Variants in KCNN2 observed in about 807,000 individuals in gnomAD.
The protein encoded by KCNN2 is small conductance calcium-activated potassium channel protein 2.
A neutral mutation model predicts 55.5 loss-of-function variants in KCNN2; 24 were observed. The observed-to-expected ratio is 0.43, with a 90% confidence interval of 0.31 to 0.61. KCNN2 has a LOEUF of 0.61. KCNN2 is among the 20% of genes least tolerant of loss of function. KCNN2 has a pLI of 0.08. For missense variants in KCNN2, 754 were observed against 853.6 expected (o/e 0.88, Z 1.45); for synonymous variants, 431 against 336.1 (o/e 1.28, Z -3.09).
rs114923975 is a variant in KCNN2 at position 114,278,974 on chromosome 5, C to T, written c.-185+57409C>T. Among the ~76,000 whole-genome samples, 850 of 151,992 alleles carry T rather than the reference C, an allele frequency of 5.6e-3. 8 individuals are homozygous for T. The highest frequency in any genetic ancestry group is 9.0e-3 in the Non-Finnish European group (610 of 67,994). ...ATCAATCTCCCTGGGAGCTGCAGAT[C>T]GGAGCTGTTCCTGTTTGGCCTTCTT... On this transcript the variant is annotated intron_variant, in intron 2 of 10. Transcript: ENST00000512097.
chr5:114,335,427 C>T (rs1423413530), intron 2 of KCNN2, among the ~76,000 whole-genome samples: 1 of 152,146 alleles, frequency 6.6e-6, no homozygotes, highest in African/African-American at 2.4e-5. Context: ...GGGAAGCCTG[C>T]ATTTCTTGCA....
intron 3 of KCNN2, among the ~76,000 whole-genome samples, chr5:114,412,264 A>T (rs1359666315): frequency 6.6e-6 from 1 of 152,252 alleles, no homozygotes; most frequent in Non-Finnish European, 1.5e-5. Flanking sequence ...CCTGAGCACC[A>T]ATAAAACAAA....
At chr5:114,407,425 C>A (rs1431862148) in intron 3 of KCNN2, among the ~76,000 whole-genome samples, 1 of 151,900 alleles carries the variant, frequency 6.6e-6, no homozygotes, top group Non-Finnish European at 1.5e-5. Flanking sequence ...TCCCTGAATG[C>A]CTTTTTTTTA....
At chr5:114,219,457 C>T (rs537734907) in intron 1 of KCNN2, among the ~76,000 whole-genome samples, 88 of 152,172 alleles carry the variant, frequency 5.8e-4, no homozygotes, top group Non-Finnish European at 8.7e-4. Flanking sequence ...GAAAAGGGTA[C>T]GGGGTGGGTA....
At chr5:114,292,783 G>C (rs1182150209) in intron 2 of KCNN2, among the ~76,000 whole-genome samples, 3 of 152,188 alleles carry the variant, frequency 2.0e-5, no homozygotes, top group Non-Finnish European at 2.9e-5. Flanking sequence ...TACCTTGGCA[G>C]TATGGCCATT....
intron 2 of KCNN2, among the ~76,000 whole-genome samples, chr5:114,241,518 C>G (rs1314749233): frequency 2.6e-5 from 4 of 151,002 alleles, no homozygotes; most frequent in Admixed American, 2.6e-4. Flanking sequence ...TAGGAAGTTA[C>G]TACATGGTAA....
intron 1 of KCNN2, among the ~76,000 whole-genome samples, chr5:114,154,261 G>T (rs1018454236): frequency 6.6e-6 from 1 of 152,128 alleles, no homozygotes; most frequent in African/African-American, 2.4e-5. Context: ...AGAAATACCA[G>T]TGTTATGGCA....
chr5:114,215,869 T>C (rs1238115522), intron 1 of KCNN2, among the ~76,000 whole-genome samples: 1 of 152,192 alleles, frequency 6.6e-6, no homozygotes, highest in Admixed American at 6.5e-5. Flanking sequence ...GTCAGCAGTT[T>C]TTAGTACCTA....
At chr5:114,370,493 C>G (rs1306004975) in intron 2 of KCNN2, among the ~76,000 whole-genome samples, 1 of 151,866 alleles carries the variant, frequency 6.6e-6, no homozygotes, top group Admixed American at 6.6e-5. Flanking sequence ...GATAAATTCC[C>G]TAGAGGAGAG....
intron 2 of KCNN2, among the ~76,000 whole-genome samples, chr5:114,376,374 A>G (rs1187850888): frequency 6.6e-6 from 1 of 152,216 alleles, no homozygotes; most frequent in Non-Finnish European, 1.5e-5. Flanking sequence ...CCCAGCAGCA[A>G]GAGGTCTCCT....
At chr5:114,278,441 T>C (rs1416125498) in intron 2 of KCNN2, among the ~76,000 whole-genome samples, 1 of 152,228 alleles carries the variant, frequency 6.6e-6, no homozygotes, top group Non-Finnish European at 1.5e-5. Flanking sequence ...TGTTCAGATA[T>C]GCCCTGCCGC....
intron 2 of KCNN2, among the ~76,000 whole-genome samples, chr5:114,292,278 C>G (rs1389337286): frequency 6.6e-6 from 1 of 152,182 alleles, no homozygotes; most frequent in Admixed American, 6.5e-5. Flanking sequence ...TGCCTATGGC[C>G]TGAATGGCAT....
intron 1 of KCNN2, among the ~76,000 whole-genome samples, chr5:114,150,853 C>G (rs59828804): frequency 9.2e-5 from 14 of 151,908 alleles, no homozygotes; most frequent in Admixed American, 2.0e-4. Flanking sequence ...GAAACCTCAT[C>G]TCTACTAAAA....
At chr5:114,442,528 G>A (rs976620569) in intron 3 of KCNN2, among the ~76,000 whole-genome samples, 3 of 152,112 alleles carry the variant, frequency 2.0e-5, no homozygotes, top group Non-Finnish European at 4.4e-5. Context: ...ATGACAAGCT[G>A]CTCCCATGCT....
intron 5 of KCNN2, among the ~76,000 whole-genome samples, chr5:114,473,753 C>T (rs915783035): frequency 5.3e-5 from 8 of 152,130 alleles, no homozygotes; most frequent in African/African-American, 1.7e-4. Flanking sequence ...CTGTGCCAGG[C>T]ACTGTTCCAA....
Position 114,260,686 on chromosome 5 carries a change from C to A in KCNN2, c.-185+39121C>A, listed in dbSNP as rs189109275. Among the ~76,000 whole-genome samples the A allele has an allele frequency of 1.2e-3, 178 of 152,238 alleles. 1 individual carries two copies. The highest frequency in any genetic ancestry group is 4.1e-3 in the African/African-American group (171 of 41,562). ...GAAGAAAAGAACTCTGTTTTGGTTCCTTTAGCTCTCTTTTTCTGAGAACAA... is the reference window on the plus strand; with the variant it reads ...GAAGAAAAGAACTCTGTTTTGGTTCATTTAGCTCTCTTTTTCTGAGAACAA... On this transcript the variant is annotated intron_variant, in intron 2 of 10. Coordinates refer to the KCNN2 transcript ENST00000512097.
chr5:114,437,358 G>A (rs1362264264), intron 3 of KCNN2, among the ~76,000 whole-genome samples: 2 of 152,190 alleles, frequency 1.3e-5, no homozygotes, highest in South Asian at 2.1e-4. Context: ...AAGAGAGGAC[G>A]TGAATGAATG....
chr5:114,344,741 G>T (rs1274621818), intron 2 of KCNN2, among the ~76,000 whole-genome samples: 1 of 152,116 alleles, frequency 6.6e-6, no homozygotes, highest in Non-Finnish European at 1.5e-5. Context: ...TACCTCCCTG[G>T]AGCCAAGGAC....
At chr5:114,334,668 T>A (rs952858445) in intron 2 of KCNN2, among the ~76,000 whole-genome samples, 8 of 152,140 alleles carry the variant, frequency 5.3e-5, no homozygotes, top group Non-Finnish European at 1.2e-4. Flanking sequence ...AAGTTTCTCA[T>A]ACATTCCAAA....
Sources: allele counts gnomAD v4.1 joint callset (sites outside exome capture counted in the v4.1 genomes callset), GRCh38; gene constraint gnomAD v4.1.1; transcripts MANE v1.5; gene names NCBI Gene and HGNC (gene_info 2026-07-23, HGNC 2026-07-21).